The following RYR3 variants were observed in gnomAD, a reference collection of about 807,000 sequenced individuals.
The protein encoded by RYR3 is brain ryanodine receptor-calcium release channel.
In RYR3, 207 loss-of-function variants were observed where a neutral mutation model predicts 584.3. The ratio of observed to expected loss-of-function variants is 0.35; its 90% confidence interval spans 0.32 to 0.40. RYR3 has a LOEUF of 0.40. Ranked by LOEUF, RYR3 falls within the 10% of genes least tolerant of loss-of-function variation. The pLI, the probability that RYR3 is intolerant of heterozygous loss-of-function variation, is 1.00. For missense variants in RYR3, 5,616 were observed against 6,089.2 expected (o/e 0.92, Z 2.59); for synonymous variants, 2,416 against 2,248.5 (o/e 1.07, Z -2.11).
intron 1 of RYR3, among the ~76,000 whole-genome samples, chr15:33,407,214 C>A (rs2043085676): frequency 6.6e-6 from 1 of 152,226 alleles, no homozygotes; most frequent in Admixed American, 6.5e-5. Flanking sequence ...AAGGCCCCAC[C>A]TCTTAATACC....
chr15:33,440,055 A>G (rs188458374), intron 1 of RYR3, among the ~76,000 whole-genome samples: 13 of 152,338 alleles, frequency 8.5e-5, no homozygotes, highest in Non-Finnish European at 1.3e-4. Flanking sequence ...TGGGAGGCCA[A>G]GCTGGTAGGA....
intron 46 of RYR3, among the ~76,000 whole-genome samples, chr15:33,727,768 G>A (rs1039915761): frequency 3.3e-5 from 5 of 152,112 alleles, no homozygotes; most frequent in Admixed American, 6.5e-5. Flanking sequence ...ACACTTTTCC[G>A]GTACAGTATT....
intron 1 of RYR3, among the ~76,000 whole-genome samples, chr15:33,404,816 T>A (rs2042916732): frequency 6.6e-6 from 1 of 152,228 alleles, no homozygotes; most frequent in Admixed American, 6.5e-5. Context: ...TCCTTTCATT[T>A]GTATACATAA....
intron 1 of RYR3, among the ~76,000 whole-genome samples, chr15:33,407,563 C>T (rs769704115): frequency 3.9e-5 from 6 of 152,124 alleles, no homozygotes; most frequent in Non-Finnish European, 8.8e-5. Context: ...TTGACTTGTA[C>T]TCTAAGGGAG....
At chr15:33,372,527 G>A (rs2040414676) in intron 1 of RYR3, among the ~76,000 whole-genome samples, 1 of 151,970 alleles carries the variant, frequency 6.6e-6, no homozygotes, top group South Asian at 2.1e-4. Flanking sequence ...ACCACGCCCA[G>A]CTAATTTTTT....
chr15:33,529,604 T>G (rs1360929690), intron 3 of RYR3, among the ~76,000 whole-genome samples: 1 of 152,160 alleles, frequency 6.6e-6, no homozygotes, highest in Non-Finnish European at 1.5e-5. Flanking sequence ...AGCTTTAGAT[T>G]CTCTTTCTGT....
At chr15:33,565,638 C>A (rs1181134850) in intron 11 of RYR3, among the ~76,000 whole-genome samples, 1 of 152,166 alleles carries the variant, frequency 6.6e-6, no homozygotes, top group East Asian at 1.9e-4. Flanking sequence ...TACACTTTGT[C>A]TCTCTTTGCT....
At chr15:33,530,967 T>C (rs920720642) in intron 4 of RYR3, among the ~76,000 whole-genome samples, 1 of 152,168 alleles carries the variant, frequency 6.6e-6, no homozygotes, top group African/African-American at 2.4e-5. Context: ...TTTGATATAC[T>C]AGATGCTCAA....
At position 33,808,481 on chromosome 15, in the gene RYR3, A is replaced by G. The variant is rs570281253; in HGVS notation, c.10026+912A>G. 6.0e-4 allele frequency among the ~76,000 whole-genome samples: 92 copies of G among 152,306 alleles called. 2 individuals are homozygous for G. In the South Asian group the frequency reaches 0.018, roughly 29 times the overall value. On this transcript the variant is annotated intron_variant, in intron 70 of 103. Coordinates refer to ENST00000634891, the MANE Select transcript of RYR3 (RefSeq NM_001036.6). Reference sequence around the variant, plus strand: ...TAGATTGTGTAATCAAATCCACGTAATTACACTTTTGAGCATATTTATTCG... The same window carrying G: ...TAGATTGTGTAATCAAATCCACGTAGTTACACTTTTGAGCATATTTATTCG...
At chr15:33,746,980 T>C (rs982710342) in intron 53 of RYR3, among the ~76,000 whole-genome samples, 1 of 149,570 alleles carries the variant, frequency 6.7e-6, no homozygotes, top group Non-Finnish European at 1.5e-5. Context: ...AGCTAATGTT[T>C]GTAATTTTTT....
intron 2 of RYR3, among the ~76,000 whole-genome samples, chr15:33,483,607 C>G (rs989839420): frequency 1.3e-5 from 2 of 152,146 alleles, no homozygotes; most frequent in Non-Finnish European, 2.9e-5. Flanking sequence ...TTTCTAAACA[C>G]CTCTAAATAG....
intron 1 of RYR3, among the ~76,000 whole-genome samples, chr15:33,332,259 T>A (rs1347562672): frequency 6.6e-6 from 1 of 152,096 alleles, no homozygotes; most frequent in African/African-American, 2.4e-5. Context: ...GGGACAGTGC[T>A]TATCTTTGTA....
chr15:33,836,981 C>T lies in RYR3; in HGVS notation c.11644C>T (p.Leu3882=). 1.2e-6 allele frequency: 2 copies of T among 1,612,958 alleles called. No individual in the cohort carries two copies. Among genetic ancestry groups the T allele is most frequent in the East Asian group, 2.2e-5 (1 of 44,874 alleles). The stretch of plus-strand genomic sequence containing the variant: ...CATGGTGGTGATGCTTCTGTCCCTC[C>T]TGGAAGGTTGGGCTGTTTGGTATAA... ...QDMVVMLLSL[L]EGNVVNGTIG... Residue 3882 remains leucine (L), a synonymous_variant, in exon 88 of 104, where the codon CTG becomes TTG. Transcript: ENST00000634891.
rs1424802018 is a variant in RYR3, at chr15:33,345,783, A to G, written c.51+34687A>G. On this transcript the variant is annotated intron_variant, in intron 1 of 103. Transcript: ENST00000634891. ...AATATGGAAAATTTTCCAAACTACA[A>G]AAAGAATATGCTCTGTTTACAAAAG... is the stretch of plus-strand genomic sequence containing the variant. 3.3e-5 allele frequency among the ~76,000 whole-genome samples: 5 copies of G among 152,210 alleles called. No individual in the cohort carries two copies. In the East Asian group the frequency reaches 9.6e-4, roughly 29 times the overall value.
At position 33,415,914 on chromosome 15, in the gene RYR3, C is replaced by T. The variant is rs781187360; in HGVS notation, c.52-57505C>T. Among the ~76,000 whole-genome samples the T allele has an allele frequency of 1.5e-4, 23 of 152,024 alleles. 1 individual carries two copies. Among genetic ancestry groups the T allele is most frequent in the Admixed American group, 3.3e-4 (5 of 15,262 alleles). ...CCAGTGTTCATTGTTCCCATCTTTG[C>T]GTGTAGCCAATTTTTAGCTCCTACT... On this transcript the variant is annotated intron_variant, in intron 1 of 103. Transcript: ENST00000634891.
At chr15:33,505,518 G>C (rs1050593713) in intron 3 of RYR3, among the ~76,000 whole-genome samples, 1 of 152,212 alleles carries the variant, frequency 6.6e-6, no homozygotes, top group Non-Finnish European at 1.5e-5. Context: ...TTGAGACGGA[G>C]TCTTGCTCTG....
At chr15:33,556,753 A>G (rs1176025335) in intron 10 of RYR3, among the ~76,000 whole-genome samples, 4 of 151,962 alleles carry the variant, frequency 2.6e-5, no homozygotes, top group African/African-American at 7.3e-5. Flanking sequence ...TAGAAAGCCA[A>G]TCCCTTCCTC....
intron 17 of RYR3, 62 bp from the exon 18 acceptor site, chr15:33,603,061 T>G: frequency 6.3e-7 from 1 of 1,588,020 alleles, no homozygotes; most frequent in Non-Finnish European, 8.6e-7. Context: ...TATGGTCTGG[T>G]TCAACTTGCT....
At chr15:33,663,505 A>C in intron 35 of RYR3, 32 bp from the exon 36 acceptor site, 1 of 1,596,228 alleles carries the variant, frequency 6.3e-7, no homozygotes, top group South Asian at 1.1e-5. Flanking sequence ...CAAAGTACAC[A>C]AAGTGTTATC....
Sources: allele counts gnomAD v4.1 joint callset (sites outside exome capture counted in the v4.1 genomes callset), GRCh38; gene constraint gnomAD v4.1.1; transcripts MANE v1.5; gene names NCBI Gene and HGNC (gene_info 2026-07-23, HGNC 2026-07-21).